PCDHA5: variants seen among roughly 807,000 people sequenced by gnomAD.
PCDHA5 encodes the protein protocadherin alpha 5.
Under a neutral mutation model 61.6 loss-of-function variants are expected in PCDHA5, and 43 were observed. That is an observed-to-expected ratio of 0.70 (90% confidence interval 0.55 to 0.90). The LOEUF (loss-of-function observed/expected upper bound fraction) is 0.90. PCDHA5 is among the 40% of genes least tolerant of loss of function. PCDHA5 has a pLI of 0.00. For missense variants in PCDHA5, 1,298 were observed against 1,222.7 expected (o/e 1.06, Z -0.92); for synonymous variants, 627 against 543.9 (o/e 1.15, Z -2.13).
Position 140,857,796 on chromosome 5 carries a change from C to T in PCDHA5, c.2352+33669C>T, listed in dbSNP as rs1554150678. 15 of 1,597,494 alleles carry T rather than the reference C, an allele frequency of 9.4e-6. 2 individuals are homozygous for T. The highest frequency in any genetic ancestry group is 1.7e-5 in the Admixed American group (1 of 59,248). ...GCAGTCAGTGAGCTGGTGCTGCGGT[C>T]GGTGGTTGCGGGTCACGTGGTGGCT... is the stretch of plus-strand genomic sequence containing the variant. On this transcript the variant is annotated intron_variant, in intron 1 of 3. Transcript: ENST00000529859.
Position 141,009,656 on chromosome 5 carries a change from G to T in PCDHA5, c.2530G>T (p.Val844Phe). The T allele has an allele frequency of 6.2e-7, 1 of 1,614,000 alleles. No individual in the cohort carries two copies. The highest frequency in any genetic ancestry group is 8.5e-7 in the Non-Finnish European group (1 of 1,179,978). Residue 844 changes from valine (V) to phenylalanine (F), a missense_variant, in exon 4 of 4, where the codon GTC (valine) becomes TTC (phenylalanine). Physicochemically the swap from Val to Phe is conservative, Grantham distance 50. Coordinates refer to ENST00000529859, the MANE Select transcript of PCDHA5 (RefSeq NM_018908.3). The stretch of plus-strand genomic sequence containing the variant: ...AGAGGCAGGAGAAGTGTCCCCTCCA[G>T]TCGGTGCGGGTGTCAACAGCAACAG... Reference protein sequence around the residue: ...EPEAGEVSPPVGAGVNSNSWT... With the variant: ...EPEAGEVSPPFGAGVNSNSWT...
In PCDHA5 at chr5:140,869,658, T is replaced by C. The variant is rs370211026; in HGVS notation, c.2352+45531T>C. 1.2e-5 allele frequency: 19 copies of C among 1,613,432 alleles called. No homozygotes were observed. The African/African-American group carries it at 2.1e-4, about 18-fold the overall frequency. ...ATTTTTCTTTAGATTCACCAACAAATGGTAAGCAGATTAAAAGACTGTCAC... is the reference window on the plus strand; with the variant it reads ...ATTTTTCTTTAGATTCACCAACAAACGGTAAGCAGATTAAAAGACTGTCAC... On this transcript the variant is annotated intron_variant, in intron 1 of 3. Coordinates refer to ENST00000529859, the MANE Select transcript of PCDHA5 (RefSeq NM_018908.3).
At chr5:140,843,231 T>C in intron 1 of PCDHA5, 3 of 1,596,108 alleles carry the variant, frequency 1.9e-6, no homozygotes, top group South Asian at 1.1e-5. Flanking sequence ...ACTCGTGTCC[T>C]GGACGAAGCG....
intron 1 of PCDHA5, chr5:140,858,620 C>G: frequency 1.8e-6 from 2 of 1,142,316 alleles, no homozygotes; most frequent in East Asian, 5.1e-5. Flanking sequence ...TTATCCTACC[C>G]AGTGTGTCAG....
intron 1 of PCDHA5, among the ~76,000 whole-genome samples, chr5:140,949,796 C>G (rs1471707326): frequency 6.6e-6 from 1 of 151,864 alleles, no homozygotes; most frequent in Non-Finnish European, 1.5e-5. Context: ...TTGTGTCCTT[C>G]AATACATTAT....
intron 3 of PCDHA5, among the ~76,000 whole-genome samples, chr5:141,002,568 C>T (rs1554258737): frequency 6.6e-6 from 1 of 152,182 alleles, no homozygotes; most frequent in Admixed American, 6.5e-5. Context: ...AGTTAGTGAC[C>T]ATGTGACCAT....
intron 1 of PCDHA5, chr5:140,969,117 A>C (rs1554231477): frequency 6.2e-7 from 1 of 1,614,178 alleles, no homozygotes; most frequent in Admixed American, 1.7e-5. Flanking sequence ...GTTCGAGGGA[A>C]TGGCTCCCTC....
chr5:140,871,152 G>T lies in PCDHA5; in HGVS notation c.2352+47025G>T, dbSNP rs376980257. 913 of 1,613,436 alleles carry T rather than the reference G, an allele frequency of 5.7e-4. 8 individuals carry two copies. In the South Asian group the frequency reaches 9.3e-3, roughly 16 times the overall value. Reference sequence around the variant, plus strand: ...CAAAGGCCTCTTCCCGGACTTTGGCGGGCGCCGCGAGCCCAGAGGCTGCGC... The same window carrying T: ...CAAAGGCCTCTTCCCGGACTTTGGCTGGCGCCGCGAGCCCAGAGGCTGCGC... On this transcript the variant is annotated intron_variant, in intron 1 of 3. Transcript: ENST00000529859.
At position 140,830,572 on chromosome 5, in the gene PCDHA5, T is replaced by C. The variant is rs1012149476; in HGVS notation, c.2352+6445T>C. 7 of 871,722 alleles carry C rather than the reference T, an allele frequency of 8.0e-6. No individual in the cohort carries two copies. In the African/African-American group the frequency reaches 1.2e-4, roughly 15 times the overall value. 54.0% of individuals were successfully genotyped at this position (871,722 alleles called of 1,614,324 possible). On this transcript the variant is annotated intron_variant, in intron 1 of 3. Coordinates refer to ENST00000529859, the MANE Select transcript of PCDHA5 (RefSeq NM_018908.3). The stretch of plus-strand genomic sequence containing the variant: ...TATTTGTCTTCTATATTTCTGTTTT[T>C]AATTTTTAATTAATTTTACAAAATT...
At chr5:140,830,456 C>T in intron 1 of PCDHA5, 1 of 1,594,032 alleles carries the variant, frequency 6.3e-7, no homozygotes, top group South Asian at 1.1e-5. Context: ...GGCGGAGAAT[C>T]AGGATTTAAA....
intron 1 of PCDHA5, chr5:140,877,160 C>G: frequency 6.2e-7 from 1 of 1,613,814 alleles, no homozygotes; most frequent in Non-Finnish European, 8.5e-7. Flanking sequence ...GACAACGCGC[C>G]GGCACTGCTG....
chr5:140,863,239 T>C (rs1554158001), intron 1 of PCDHA5: 26 of 1,323,164 alleles, frequency 2.0e-5, no homozygotes, highest in African/African-American at 2.9e-5. Context: ...ATCGCGGGCT[T>C]TGGCGGGCGT....
chr5:140,852,115 C>A, intron 1 of PCDHA5: 1 of 906,762 alleles, frequency 1.1e-6, no homozygotes, highest in Non-Finnish European at 1.3e-6. Context: ...CAAGGTATGA[C>A]CTAATTAAAA....
At chr5:140,877,943 T>C in intron 1 of PCDHA5, 1 of 1,363,226 alleles carries the variant, frequency 7.3e-7, no homozygotes, top group Non-Finnish European at 9.6e-7. Context: ...TCCTTTAAAC[T>C]ATCGAATGTC....
intron 1 of PCDHA5, among the ~76,000 whole-genome samples, chr5:140,948,814 A>G (rs1284322137): frequency 1.3e-5 from 2 of 151,134 alleles, no homozygotes; most frequent in African/African-American, 4.8e-5. Context: ...TTTGGTTTCT[A>G]TTTCATTAAT....
chr5:140,927,445 T>C (rs2084204838), intron 1 of PCDHA5: 1 of 1,613,580 alleles, frequency 6.2e-7, no homozygotes, highest in Non-Finnish European at 8.5e-7. Context: ...ATACCCGGAG[T>C]TGGTGTTGGA....
rs782699904 is a variant in PCDHA5 at position 140,969,414 on chromosome 5, G to A, written c.2353-9535G>A. The A allele has an allele frequency of 6.4e-6, 10 of 1,566,012 alleles. No homozygotes were observed. The Admixed American group carries it at 1.3e-4, about 21-fold the overall frequency. On this transcript the variant is annotated intron_variant, in intron 1 of 3. Coordinates refer to ENST00000529859, the MANE Select transcript of PCDHA5 (RefSeq NM_018908.3). ...ATATCCTGTGATTTGGCTTTATTGA[G>A]TCATTAACAGTGACAAGAGTTATCT...
intron 1 of PCDHA5, chr5:140,834,264 CTT>C: frequency 9.9e-7 from 1 of 1,010,524 alleles, no homozygotes; most frequent in Admixed American, 2.4e-5. Context: ...GCTCCACTCT[CTT>C]TCACTCTTTG....
intron 1 of PCDHA5, among the ~76,000 whole-genome samples, chr5:140,934,654 T>G (rs1178051306): frequency 6.6e-6 from 1 of 152,168 alleles, no homozygotes; most frequent in African/African-American, 2.4e-5. Flanking sequence ...AATGTTTGAT[T>G]CTTCCCCTTT....
Sources: allele counts gnomAD v4.1 joint callset (sites outside exome capture counted in the v4.1 genomes callset), GRCh38; gene constraint gnomAD v4.1.1; transcripts MANE v1.5; gene names NCBI Gene and HGNC (gene_info 2026-07-23, HGNC 2026-07-21).